Variants in ZDBF2 observed in about 807,000 individuals in gnomAD.
The protein encoded by ZDBF2 is DBF4-type zinc finger-containing protein 2.
A neutral mutation model predicts 9.4 loss-of-function variants in ZDBF2; 6 were observed. That is an observed-to-expected ratio of 0.64 (90% CI 0.35 to 1.27). The LOEUF is 1.27. Ranked by LOEUF, ZDBF2 falls within the 50% of genes most tolerant of loss-of-function variation. The pLI is 0.03. For synonymous variants in ZDBF2, 905 were observed against 946.3 expected (o/e 0.96, Z 0.80); for missense variants, 2,697 against 2,766.8 (o/e 0.97, Z 0.57).
At chr2:206,303,246 A>C (rs1314409189) in intron 4 of ZDBF2, among the ~76,000 whole-genome samples, 1 of 149,972 alleles carries the variant, frequency 6.7e-6, no homozygotes, top group African/African-American at 2.4e-5. Flanking sequence ...TTTTTTTTAA[A>C]CAGGTCTAGA....
Position 206,309,150 on chromosome 2 carries a change from C to T in ZDBF2, c.4622C>T (p.Ser1541Leu). The change falls in exon 5 of 5, where the codon TCA becomes TTA. Residue 1541 changes from serine to leucine, a missense_variant. Ser to Leu is a moderately radical substitution (Grantham distance 145). Transcript: ENST00000374423. ...GGTGATAGTGATTATGAAGTAATTT[C>T]AGATGATATTCCCCTTCAGTTAGTG... ...VPGDSDYEVI[S>L]DDIPLQLVTD... is the part of the protein sequence containing the mutation. 2 of 1,612,590 alleles carry T rather than the reference C, an allele frequency of 1.2e-6. No homozygotes were observed. Among genetic ancestry groups the T allele is most frequent in the South Asian group, 1.1e-5 (1 of 90,798 alleles).
At chr2:206,301,831 G>A (rs1388085387) in intron 4 of ZDBF2, among the ~76,000 whole-genome samples, 2 of 151,466 alleles carry the variant, frequency 1.3e-5, no homozygotes, top group East Asian at 3.9e-4. Context: ...CAATTTGGTT[G>A]TTATCTTTTT....
At chr2:206,276,236 C>T (rs2105888155) in intron 1 of ZDBF2, among the ~76,000 whole-genome samples, 1 of 151,898 alleles carries the variant, frequency 6.6e-6, no homozygotes, top group Admixed American at 6.6e-5. Flanking sequence ...TCGTGACTAG[C>T]ATTAAAAAAA....
Position 206,307,937 on chromosome 2 carries a change from CAT to C in ZDBF2, c.3410_3411del (p.His1137ArgfsTer6). The C allele has an allele frequency of 6.2e-7, 1 of 1,613,682 alleles. No individual in the cohort carries two copies. Among genetic ancestry groups the C allele is most frequent in the Non-Finnish European group, 8.5e-7 (1 of 1,179,778 alleles). On this transcript the variant is annotated frameshift_variant, in exon 5 of 5. Coordinates refer to ENST00000374423, the MANE Select transcript of ZDBF2 (RefSeq NM_020923.3). LOFTEE classifies it low-confidence loss of function (END_TRUNC). The stretch of plus-strand genomic sequence containing the variant: ...TGATCAACCCAAAGTAGCTATTAAA[CAT>C]GTGAACCTTGGGAATGAAAACCATA... ...VADQPKVAIK[H>X]VNLGNENHMY...
Position 206,311,538 on chromosome 2 carries a change from G to A in ZDBF2, c.7010G>A (p.Arg2337His), listed in dbSNP as rs767560772. 7.8e-6 allele frequency: 12 copies of A among 1,545,312 alleles called. No individual in the cohort carries two copies. Among genetic ancestry groups the A allele is most frequent in the Non-Finnish European group, 1.0e-5 (12 of 1,149,154 alleles). The change falls in exon 5 of 5, where the codon CGT (arginine) becomes CAT (histidine). Residue 2337 changes from arginine (R) to histidine (H), a missense_variant. Transcript: ENST00000374423. ...DLRSSSCLQQ[R>H]ERMMTRLANK... The stretch of plus-strand genomic sequence containing the variant: ...AGAAGCTCATCTTGTTTACAACAAC[G>A]TGAGAGAATGATGACTCGGCTAGCA...
chr2:206,292,729 G>A (rs1360399548), intron 3 of ZDBF2, among the ~76,000 whole-genome samples: 2 of 151,930 alleles, frequency 1.3e-5, no homozygotes, highest in African/African-American at 4.8e-5. Flanking sequence ...CAGATACCAT[G>A]CAGAAAATGA....
chr2:206,306,379 T>TA lies in ZDBF2; in HGVS notation c.1854dup (p.Pro619ThrfsTer3). 6.2e-7 allele frequency: 1 copy of TA among 1,613,822 alleles called. No individual in the cohort carries two copies. Among genetic ancestry groups the TA allele is most frequent in the Non-Finnish European group, 8.5e-7 (1 of 1,179,816 alleles). Reference sequence around the variant, plus strand: ...AAGTCCACCTAAAACATAAGAAGCGTAAACCCAGTAGTGCTAAAGCACATC... The same window carrying TA: ...AAGTCCACCTAAAACATAAGAAGCGTAAAACCCAGTAGTGCTAAAGCACATC... On this transcript the variant is annotated frameshift_variant, in exon 5 of 5. Coordinates refer to ENST00000374423, the MANE Select transcript of ZDBF2 (RefSeq NM_020923.3). LOFTEE classifies it low-confidence loss of function (END_TRUNC).
intron 4 of ZDBF2, among the ~76,000 whole-genome samples, chr2:206,301,199 A>G (rs1003921287): frequency 1.3e-5 from 2 of 152,016 alleles, no homozygotes; most frequent in Non-Finnish European, 2.9e-5. Context: ...TTCTTTGTAT[A>G]TTTTGGCTTT....
chr2:206,298,394 C>T (rs1056998103), intron 4 of ZDBF2, among the ~76,000 whole-genome samples: 1 of 152,212 alleles, frequency 6.6e-6, no homozygotes, highest in Non-Finnish European at 1.5e-5. Flanking sequence ...AAATCACTAA[C>T]ATAGACCTTA....
chr2:206,281,226 G>A (rs1412518805), intron 2 of ZDBF2, among the ~76,000 whole-genome samples: 2 of 152,114 alleles, frequency 1.3e-5, no homozygotes, highest in African/African-American at 4.8e-5. Context: ...TATTTATCTG[G>A]CTTACATAAT....
At position 206,307,223 on chromosome 2, in the gene ZDBF2, G is replaced by A; in HGVS notation, c.2695G>A (p.Glu899Lys). Residue 899 changes from glutamate (E) to lysine (K), a missense_variant, in exon 5 of 5, where the codon GAA becomes AAA. Physicochemically the swap from Glu to Lys is moderately conservative, Grantham distance 56. Around this residue, in one of 3 missense-constraint regions of ZDBF2, gnomAD observed 1,783 missense variants for 1,776.5 expected, o/e 1.00. Transcript: ENST00000374423. ...VAVKKLNPQK[E>K]EQVHLENKEN... ...TGTTAAAAAGCTAAATCCTCAAAAAGAAGAGCAGGTACACTTAGAAAATAA... is the reference window on the plus strand; with the variant it reads ...TGTTAAAAAGCTAAATCCTCAAAAAAAAGAGCAGGTACACTTAGAAAATAA... 1 of 1,610,978 alleles carries A rather than the reference G, an allele frequency of 6.2e-7. No individual in the cohort carries two copies. The highest frequency in any genetic ancestry group is 2.2e-5 in the East Asian group (1 of 44,860).
Position 206,305,848 on chromosome 2 carries a change from T to C in ZDBF2, c.1320T>C (p.Tyr440=), listed in dbSNP as rs867689665. ...LSKEVRTDVQ[Y]KNNKSYVSKI... is the part of the protein sequence containing the mutation. ...AGGAAGTACGTACTGATGTACAGTATAAGAATAATAAATCTTATGTTTCTA... is the reference window on the plus strand; with the variant it reads ...AGGAAGTACGTACTGATGTACAGTACAAGAATAATAAATCTTATGTTTCTA... Residue 440 remains tyrosine, a synonymous_variant, in exon 5 of 5, where the codon TAT becomes TAC. Transcript: ENST00000374423. 1.2e-6 allele frequency: 2 copies of C among 1,613,224 alleles called. No homozygotes were observed. Among genetic ancestry groups the C allele is most frequent in the Middle Eastern group, 1.7e-4 (1 of 6,052 alleles).
At chr2:206,278,773 C>T (rs1198746761) in intron 1 of ZDBF2, among the ~76,000 whole-genome samples, 1 of 152,218 alleles carries the variant, frequency 6.6e-6, no homozygotes, top group Non-Finnish European at 1.5e-5. Context: ...GCCGCTCTAG[C>T]TAAAACTGAA....
intron 4 of ZDBF2, among the ~76,000 whole-genome samples, chr2:206,299,533 A>T (rs1168493374): frequency 6.6e-6 from 1 of 151,872 alleles, no homozygotes; most frequent in Admixed American, 6.6e-5. Context: ...TTAGCTAGGC[A>T]TGTTGGCACA....
chr2:206,296,597 A>G (rs1332828235), intron 3 of ZDBF2, among the ~76,000 whole-genome samples: 1 of 152,218 alleles, frequency 6.6e-6, no homozygotes, highest in African/African-American at 2.4e-5. Flanking sequence ...GGGTCTTGGA[A>G]CAAATTCCCT....
Position 206,311,498 on chromosome 2 carries a change from A to G in ZDBF2, c.6970A>G (p.Arg2324Gly). 4.4e-6 allele frequency: 7 copies of G among 1,601,842 alleles called. No individual in the cohort carries two copies. The highest frequency in any genetic ancestry group is 5.9e-6 in the Non-Finnish European group (7 of 1,176,546). ...GRQKGPSTPV[R>G]AYDLRSSSCL... is the part of the protein sequence containing the mutation. Reference sequence around the variant, plus strand: ...ACAGAAAGGTCCTTCTACACCTGTGAGAGCATATGATCTGAGAAGCTCATC... The same window carrying G: ...ACAGAAAGGTCCTTCTACACCTGTGGGAGCATATGATCTGAGAAGCTCATC... Residue 2324 changes from arginine to glycine, a missense_variant, in exon 5 of 5, where the codon AGA (arginine) becomes GGA (glycine). Around this residue, in one of 3 missense-constraint regions of ZDBF2, gnomAD observed 1,783 missense variants for 1,776.5 expected, o/e 1.00. Transcript: ENST00000374423.
chr2:206,305,384 T>A lies in ZDBF2; in HGVS notation c.856T>A (p.Leu286Met), dbSNP rs1574415264. Reference sequence around the variant, plus strand: ...TCAGGGTAAAACTTTATCAGCTGGCTTGAAATTCCATGAACGCATGGGTAC... The same window carrying A: ...TCAGGGTAAAACTTTATCAGCTGGCATGAAATTCCATGAACGCATGGGTAC... ...KSQGKTLSAGLKFHERMGTKG... is the reference protein window; with the variant it reads ...KSQGKTLSAGMKFHERMGTKG... Residue 286 changes from leucine to methionine, a missense_variant, in exon 5 of 5, where the codon TTG (leucine) becomes ATG (methionine). Leu to Met is a conservative substitution (Grantham distance 15). Coordinates refer to ENST00000374423, the MANE Select transcript of ZDBF2 (RefSeq NM_020923.3). 1 of 1,613,316 alleles carries A rather than the reference T, an allele frequency of 6.2e-7. No homozygotes were observed. Among genetic ancestry groups the A allele is most frequent in the East Asian group, 2.2e-5 (1 of 44,868 alleles).
At position 206,306,071 on chromosome 2, in the gene ZDBF2, G is replaced by A; in HGVS notation, c.1543G>A (p.Glu515Lys). ...TGACTACCCCCAACAATCTGTAACA[G>A]AAGTAAACCTTCCTAAGGAAGTGCA... is the stretch of plus-strand genomic sequence containing the variant. ...TSDYPQQSVT[E>K]VNLPKEVHIG... Residue 515 changes from glutamate to lysine, a missense_variant, in exon 5 of 5, where the codon GAA becomes AAA. By Grantham distance (56) the Glu-to-Lys change is moderately conservative. This residue lies in a region of ZDBF2 where 910 missense variants were observed against 973.6 expected (regional missense o/e 0.93). Transcript: ENST00000374423. 1 of 1,613,764 alleles carries A rather than the reference G, an allele frequency of 6.2e-7. No homozygotes were observed. Among genetic ancestry groups the A allele is most frequent in the Non-Finnish European group, 8.5e-7 (1 of 1,179,800 alleles).
intron 4 of ZDBF2, among the ~76,000 whole-genome samples, 160 bp from the exon 5 acceptor site, chr2:206,304,557 T>C (rs116210727): frequency 0.032 from 4,869 of 152,304 alleles, 205 homozygotes; most frequent in African/African-American, 0.096. Flanking sequence ...TAATTCCCCC[T>C]CTGTGGTCCA....
Sources: gnomAD v4.1 joint callset for allele counts (sites outside exome capture counted in the v4.1 genomes callset) on GRCh38, gnomAD v4.1.1 for gene constraint, gnomAD v4.1.1 regional missense constraint, MANE v1.5 for transcripts, NCBI Gene and HGNC (gene_info 2026-07-23, HGNC 2026-07-21) for gene names.